HECTD4: variants seen among roughly 807,000 people sequenced by gnomAD.
The protein encoded by HECTD4 is HECT domain E3 ubiquitin protein ligase 4.
A neutral mutation model predicts 471.5 loss-of-function variants in HECTD4; 114 were observed. That is an observed-to-expected ratio of 0.24 (90% CI 0.21 to 0.28). The LOEUF is 0.28. HECTD4 is among the 10% of genes least tolerant of loss of function. The pLI is 1.00. For synonymous variants in HECTD4, 2,012 were observed against 2,256.0 expected (o/e 0.89, Z 3.07); for missense variants, 3,866 against 5,651.5 (o/e 0.68, Z 10.13).
rs1197754639 is a variant in HECTD4 at position 112,235,921 on chromosome 12, G to A, written c.5445-137C>T. ...ATCATGAATGTGGCACTATGCTTCT[G>A]TGAAGAATTAAGAATTTTGGAAACA... On this transcript the variant is annotated intron_variant, in intron 35 of 75. Coordinates refer to ENST00000682272, the MANE Select transcript of HECTD4 (RefSeq NM_001388303.1). This position sits in a 1 kb window ranked among gnomAD's most constrained non-coding sequence, Gnocchi z 5.0. The A allele has an allele frequency of 1.3e-6, 1 of 749,686 alleles. No homozygotes were observed. The allele number at this position is 749,686 out of a possible 1,614,324, so 46.4% of individuals were successfully genotyped here. A position where few individuals can be genotyped will look rare whatever the true frequency, so the allele number is the denominator to read the frequency against.
intron 1 of HECTD4, among the ~76,000 whole-genome samples, chr12:112,333,417 T>C (rs1325315036): frequency 6.6e-6 from 1 of 152,268 alleles, no homozygotes; most frequent in Non-Finnish European, 1.5e-5. Context: ...GGTATGTTCA[T>C]GTAGTTTTAA....
intron 48 of HECTD4, among the ~76,000 whole-genome samples, chr12:112,215,723 T>C (rs2032900203): frequency 6.6e-6 from 1 of 152,216 alleles, no homozygotes; most frequent in South Asian, 2.1e-4. Context: ...CACTGCAGCC[T>C]CAACCTTCTG....
intron 55 of HECTD4, among the ~76,000 whole-genome samples, chr12:112,199,031 A>T (rs1442143286): frequency 6.6e-6 from 1 of 152,174 alleles, no homozygotes; most frequent in Non-Finnish European, 1.5e-5. Flanking sequence ...CCTGTGGAGT[A>T]TTCACAAGAG....
intron 70 of HECTD4, 59 bp downstream of exon 70, chr12:112,169,443 GC>G: frequency 6.6e-7 from 1 of 1,510,698 alleles, no homozygotes; most frequent in South Asian, 1.3e-5. Flanking sequence ...GGCAGCTGGG[GC>G]TAAGGCTGGA....
chr12:112,357,350 A>T (rs2135744090), intron 1 of HECTD4, among the ~76,000 whole-genome samples: 1 of 152,354 alleles, frequency 6.6e-6, no homozygotes, highest in African/African-American at 2.4e-5. Context: ...GAGGAGATGT[A>T]GCTCAGTAAG....
rs779008458 is a variant in HECTD4, at chr12:112,164,206, G to A, written c.12604C>T (p.Pro4202Ser). 44 of 1,613,678 alleles carry A rather than the reference G, an allele frequency of 2.7e-5. No homozygotes were observed. Among genetic ancestry groups the A allele is most frequent in the Non-Finnish European group, 3.6e-5 (43 of 1,179,868 alleles). Residue 4202 changes from proline to serine, a missense_variant, in exon 73 of 76, where the codon CCT becomes TCT. By Grantham distance (74) the Pro-to-Ser change is moderately conservative (BLOSUM62 -1). Transcript: ENST00000682272. The part of the protein sequence containing the change: ...IASQHLATES[P>S]DSPNKPCCRF... ...CAGCAGGGCTTGTTGGGGCTGTCAG[G>A]GCTCTCCGTGGCCAGGTGCTGGGAG...
At chr12:112,329,252 TTC>T (rs1165156189) in intron 1 of HECTD4, among the ~76,000 whole-genome samples, 2 of 152,184 alleles carry the variant, frequency 1.3e-5, no homozygotes, top group African/African-American at 4.8e-5. Context: ...CCAAAACAGT[TTC>T]TCTGAGTTTT....
intron 62 of HECTD4, among the ~76,000 whole-genome samples, chr12:112,182,038 A>G (rs1056503142): frequency 1.3e-5 from 2 of 152,070 alleles, no homozygotes; most frequent in African/African-American, 4.8e-5. Context: ...AGTTGCAGTG[A>G]GCTGAGATTG....
At chr12:112,346,235 C>T (rs919451811) in intron 1 of HECTD4, among the ~76,000 whole-genome samples, 2 of 152,192 alleles carry the variant, frequency 1.3e-5, no homozygotes, top group African/African-American at 4.8e-5. Flanking sequence ...ACCACATTAC[C>T]TGTGTTTCTC....
intron 54 of HECTD4, among the ~76,000 whole-genome samples, chr12:112,201,743 A>G (rs1219288864): frequency 6.6e-6 from 1 of 152,206 alleles, no homozygotes; most frequent in African/African-American, 2.4e-5. Flanking sequence ...GAATAGTGCT[A>G]TATTTCCAGC....
Position 112,269,119 on chromosome 12 carries a change from C to T in HECTD4, c.2321+585G>A, listed in dbSNP as rs182249657. ...CGATCTCCTGACCTCGTGATCCGCC[C>T]GTCTCGGCCTCCCAAAGTGCTGGGA... On this transcript the variant is annotated intron_variant, in intron 13 of 75. Transcript: ENST00000682272. 1.4e-3 allele frequency among the ~76,000 whole-genome samples: 209 copies of T among 151,960 alleles called. 1 individual carries two copies. The highest frequency in any genetic ancestry group is 3.4e-3 in the African/African-American group (142 of 41,460).
chr12:112,327,241 C>T (rs1009562985), intron 1 of HECTD4, among the ~76,000 whole-genome samples: 3 of 151,952 alleles, frequency 2.0e-5, no homozygotes, highest in Non-Finnish European at 2.9e-5. Flanking sequence ...TGCTTGAACC[C>T]GGGAGGTGGA....
At chr12:112,328,538 A>T (rs2035791085) in intron 1 of HECTD4, among the ~76,000 whole-genome samples, 1 of 152,208 alleles carries the variant, frequency 6.6e-6, no homozygotes, top group Non-Finnish European at 1.5e-5. Context: ...CATTTTTCAC[A>T]TAATGAAGAC....
chr12:112,172,753 G>T lies in HECTD4; in HGVS notation c.11703C>A (p.Ala3901=). 6.2e-7 allele frequency: 1 copy of T among 1,614,034 alleles called. No individual in the cohort carries two copies. The highest frequency in any genetic ancestry group is 1.6e-4 in the Middle Eastern group (1 of 6,062). ...GGGGATGGAGCCGTGCGGGTGTGATGGCGAGGTGGCGGCATAGCTGGTTGA... is the reference window on the plus strand; with the variant it reads ...GGGGATGGAGCCGTGCGGGTGTGATTGCGAGGTGGCGGCATAGCTGGTTGA... ...QYINQLCRHL[A]ITPARLHPHE... is the part of the protein sequence containing the mutation. The change falls in exon 67 of 76, where the codon GCC becomes GCA. Residue 3901 remains alanine (A), a synonymous_variant. Transcript: ENST00000682272.
rs1407336037 is a variant in HECTD4, at chr12:112,210,222, G to A, written c.7660C>T (p.Arg2554Trp). The A allele has an allele frequency of 7.4e-6, 12 of 1,613,804 alleles. No homozygotes were observed. The highest frequency in any genetic ancestry group is 2.7e-5 in the African/African-American group (2 of 74,926). Residue 2554 changes from arginine to tryptophan, a missense_variant, in exon 50 of 76, where the codon CGG (arginine) becomes TGG (tryptophan). Physicochemically the swap from Arg to Trp is moderately radical, Grantham distance 101 (BLOSUM62 -3). Coordinates refer to ENST00000682272, the MANE Select transcript of HECTD4 (RefSeq NM_001388303.1). The stretch of plus-strand genomic sequence containing the variant: ...TGCCCTTCCGCGTAGGCAAACGGCC[G>A]GGAGCCAAAGTTAGCTCGGGTTTTG... ...NTKTRANFGS[R>W]PFAYAEGQAH...
At chr12:112,354,639 T>C (rs1431456384) in intron 1 of HECTD4, among the ~76,000 whole-genome samples, 1 of 152,000 alleles carries the variant, frequency 6.6e-6, no homozygotes, top group East Asian at 1.9e-4. Context: ...TGGGCCAAGA[T>C]TGCGCCATTG....
In HECTD4 at chr12:112,203,729, G is replaced by A; in HGVS notation, c.8313C>T (p.Ala2771=). Residue 2771 remains alanine, a synonymous_variant, in exon 54 of 76, where the codon GCC becomes GCT. Transcript: ENST00000682272. ...VTRSPDSNNV[A]SSAVGTALPK... is the part of the protein sequence containing the mutation. ...GCAGAGCAGTTCCAACAGCACTGCTGGCTACATTATTGCTGTCTGGAGAGC... is the reference window on the plus strand; with the variant it reads ...GCAGAGCAGTTCCAACAGCACTGCTAGCTACATTATTGCTGTCTGGAGAGC... 6.2e-7 allele frequency: 1 copy of A among 1,612,462 alleles called. No homozygotes were observed. Among genetic ancestry groups the A allele is most frequent in the Non-Finnish European group, 8.5e-7 (1 of 1,178,954 alleles).
chr12:112,250,952 A>G lies in HECTD4; in HGVS notation c.3716+19T>C. On this transcript the variant is annotated intron_variant, in intron 24 of 75. Coordinates refer to ENST00000682272, the MANE Select transcript of HECTD4 (RefSeq NM_001388303.1). ...TTCCTTTGCAGGCAACACTAGCTCA[A>G]TTTCAACCTTTTTGTTACCTTTGTA... is the stretch of plus-strand genomic sequence containing the variant. 1.9e-6 allele frequency: 3 copies of G among 1,596,200 alleles called. No individual in the cohort carries two copies. The highest frequency in any genetic ancestry group is 2.6e-6 in the Non-Finnish European group (3 of 1,171,582).
chr12:112,297,691 T>G (rs530197255), intron 7 of HECTD4, among the ~76,000 whole-genome samples: 2 of 152,168 alleles, frequency 1.3e-5, no homozygotes, highest in South Asian at 4.1e-4. Context: ...TGGGGGCATA[T>G]TTAGCTTGAG....
Sources: allele counts gnomAD v4.1 joint callset (sites outside exome capture counted in the v4.1 genomes callset), GRCh38; gene constraint gnomAD v4.1.1; non-coding constraint Gnocchi (gnomAD v3.1); transcripts MANE v1.5; gene names NCBI Gene and HGNC (gene_info 2026-07-23, HGNC 2026-07-21).